Variants in CACNB2 observed in about 807,000 individuals in gnomAD.
CACNB2 encodes voltage-dependent L-type calcium channel subunit beta-2.
In CACNB2, 42 loss-of-function variants were observed where a neutral mutation model predicts 73.3. The ratio of observed to expected loss-of-function variants is 0.57; its 90% CI spans 0.45 to 0.74. The LOEUF is 0.74. Ranked by LOEUF, CACNB2 falls within the 30% of genes least tolerant of loss-of-function variation. The pLI is 0.00. For synonymous variants in CACNB2, 348 were observed against 310.3 expected (o/e 1.12, Z -1.28); for missense variants, 940 against 853.0 (o/e 1.10, Z -1.27).
intron 3 of CACNB2, among the ~76,000 whole-genome samples, chr10:18,458,965 A>G (rs546933610): frequency 2.6e-5 from 4 of 152,000 alleles, no homozygotes; most frequent in African/African-American, 9.6e-5. Flanking sequence ...GGTTTTCACC[A>G]TGTTGGCCAG....
chr10:18,240,523 C>T (rs1220292745), intron 2 of CACNB2, among the ~76,000 whole-genome samples: 3 of 151,842 alleles, frequency 2.0e-5, no homozygotes, highest in Non-Finnish European at 4.4e-5. Flanking sequence ...AAGAACAAAT[C>T]CAACTTCTTT....
chr10:18,489,295 CAGG>C (rs1276062224), intron 3 of CACNB2, among the ~76,000 whole-genome samples: 5 of 148,164 alleles, frequency 3.4e-5, no homozygotes, highest in South Asian at 2.1e-4. Context: ...TGGGCTGAGG[CAGG>C]AGAATTGCTT....
chr10:18,371,995 T>G (rs1341834782), intron 2 of CACNB2, among the ~76,000 whole-genome samples: 1 of 152,254 alleles, frequency 6.6e-6, no homozygotes, highest in African/African-American at 2.4e-5. Flanking sequence ...CCTGCATAAA[T>G]GTCTTCTTTT....
intron 3 of CACNB2, among the ~76,000 whole-genome samples, chr10:18,446,011 G>T (rs1346387406): frequency 6.6e-6 from 1 of 152,186 alleles, no homozygotes. Context: ...TCCAGCCTGG[G>T]TGACCAGAGT....
intron 2 of CACNB2, among the ~76,000 whole-genome samples, chr10:18,244,003 G>T (rs374202052): frequency 6.6e-6 from 1 of 152,142 alleles, no homozygotes; most frequent in African/African-American, 2.4e-5. Flanking sequence ...TTCTTCCATC[G>T]TGCAACTGAG....
intron 2 of CACNB2, among the ~76,000 whole-genome samples, chr10:18,303,683 G>A (rs1411664271): frequency 6.6e-6 from 1 of 152,072 alleles, no homozygotes; most frequent in Non-Finnish European, 1.5e-5. Flanking sequence ...CAGTTATCCT[G>A]GAAAAAATAC....
chr10:18,538,122 G>T, intron 12 of CACNB2, 58 bp from the exon 13 acceptor site: 1 of 1,531,200 alleles, frequency 6.5e-7, no homozygotes, highest in East Asian at 2.2e-5. Context: ...TTATGGAGGT[G>T]GGAAGGGGGT....
intron 2 of CACNB2, among the ~76,000 whole-genome samples, chr10:18,320,306 G>A (rs1036360768): frequency 6.6e-6 from 1 of 152,124 alleles, no homozygotes; most frequent in African/African-American, 2.4e-5. Flanking sequence ...CAAAGTCTTC[G>A]TAGTTGCATT....
chr10:18,290,702 A>G (rs1564408949), intron 2 of CACNB2, among the ~76,000 whole-genome samples: 1 of 152,256 alleles, frequency 6.6e-6, no homozygotes, highest in Admixed American at 6.5e-5. Context: ...AGAACCTTCC[A>G]GAATGCTTCA....
chr10:18,260,191 C>T (rs1342075739), intron 2 of CACNB2, among the ~76,000 whole-genome samples: 1 of 152,136 alleles, frequency 6.6e-6, no homozygotes, highest in Non-Finnish European at 1.5e-5. Flanking sequence ...GTGACATTTA[C>T]ATGGTCTTTA....
intron 2 of CACNB2, among the ~76,000 whole-genome samples, chr10:18,198,958 GATA>G (rs1413807003): frequency 6.6e-6 from 1 of 152,094 alleles, no homozygotes; most frequent in African/African-American, 2.4e-5. Context: ...TGCAATGTTG[GATA>G]ATGTCTCATT....
chr10:18,490,527 G>C (rs1374545386), intron 3 of CACNB2, among the ~76,000 whole-genome samples: 1 of 152,154 alleles, frequency 6.6e-6, no homozygotes, highest in African/African-American at 2.4e-5. Flanking sequence ...CAGGAATCCA[G>C]GTAGAATCTG....
At chr10:18,383,070 A>G (rs1361475216) in intron 2 of CACNB2, among the ~76,000 whole-genome samples, 1 of 152,166 alleles carries the variant, frequency 6.6e-6, no homozygotes, top group Non-Finnish European at 1.5e-5. Context: ...GTTATATTAT[A>G]TGTGACAAAA....
At chr10:18,211,939 G>T (rs1021323545) in intron 2 of CACNB2, among the ~76,000 whole-genome samples, 7 of 152,016 alleles carry the variant, frequency 4.6e-5, no homozygotes, top group Admixed American at 4.6e-4. Context: ...CAAACGTGCA[G>T]ACGTTTCTCT....
chr10:18,243,964 G>C (rs2036763863), intron 2 of CACNB2, among the ~76,000 whole-genome samples: 1 of 152,218 alleles, frequency 6.6e-6, no homozygotes, highest in African/African-American at 2.4e-5. Context: ...TGGAAACCTA[G>C]CTATGTCTCT....
At chr10:18,390,689 G>A (rs2043429332) in intron 2 of CACNB2, among the ~76,000 whole-genome samples, 1 of 152,092 alleles carries the variant, frequency 6.6e-6, no homozygotes, top group African/African-American at 2.4e-5. Flanking sequence ...TATATGTATA[G>A]TCATATTTTC....
At chr10:18,466,884 G>A (rs1012257462) in intron 3 of CACNB2, among the ~76,000 whole-genome samples, 3 of 152,200 alleles carry the variant, frequency 2.0e-5, no homozygotes. Context: ...GGCTGGGTGT[G>A]GTTCTCACAC....
At chr10:18,242,585 C>T (rs961741055) in intron 2 of CACNB2, among the ~76,000 whole-genome samples, 2 of 152,124 alleles carry the variant, frequency 1.3e-5, no homozygotes, top group Non-Finnish European at 1.5e-5. Flanking sequence ...CAAAACATCA[C>T]ATAAACAGTT....
At chr10:18,361,680 C>T (rs1247665849) in intron 2 of CACNB2, among the ~76,000 whole-genome samples, 1 of 146,212 alleles carries the variant, frequency 6.8e-6, no homozygotes, top group Non-Finnish European at 1.5e-5. Context: ...GTGGCATGAT[C>T]TCAGCTCACT....
Sources: gnomAD v4.1 joint callset for allele counts (sites outside exome capture counted in the v4.1 genomes callset) on GRCh38, gnomAD v4.1.1 for gene constraint, MANE v1.5 for transcripts, NCBI Gene and HGNC (gene_info 2026-07-23, HGNC 2026-07-21) for gene names.